The following TK2 variants were observed in gnomAD, a reference collection of about 807,000 sequenced individuals.
TK2 encodes thymidine kinase 2.
TK2 carries 35 observed loss-of-function variants against 41.9 expected under a neutral mutation model. The ratio of observed to expected loss-of-function variants is 0.84; its 90% CI spans 0.64 to 1.11. The LOEUF (loss-of-function observed/expected upper bound fraction) is 1.11. Among genes scored for constraint, TK2 ranks in the 50% least tolerant of loss-of-function variants. The probability of loss-of-function intolerance (pLI) is 0.00; values close to 1 mark genes in which losing one functional copy is unlikely to be tolerated. For missense variants in TK2, 320 were observed against 351.1 expected, an observed-to-expected ratio of 0.91 and a Z score of 0.71; for synonymous variants, 128 against 129.1, an observed-to-expected ratio of 0.99 and a Z score of 0.06.
At chr16:66,535,858 T>C (rs1260353829) in intron 4 of TK2, among the ~76,000 whole-genome samples, 1 of 152,174 alleles carries the variant, frequency 6.6e-6, no homozygotes, top group Non-Finnish European at 1.5e-5. Context: ...CTGCTCCTAG[T>C]AGAACTCAGA....
rs750719016 is a variant in TK2 at position 66,537,010 on chromosome 16, G to A, written c.239C>T (p.Thr80Met). Residue 80 changes from threonine to methionine, a missense_variant, in exon 4 of 10, where the codon ACG (threonine) becomes ATG (methionine). Transcript: ENST00000544898. ...ATTTCTCCACTTGGACACAGGCTCC[G>A]TTAACACCTGGAAGGAAAGAAAACA... ...FSNATDVEVL[T>M]EPVSKWRNVR... 25 of 1,613,924 alleles carry A rather than the reference G, an allele frequency of 1.5e-5. No homozygotes were observed. The highest frequency in any genetic ancestry group is 1.9e-5 in the Non-Finnish European group (22 of 1,179,998).
intron 4 of TK2, among the ~76,000 whole-genome samples, chr16:66,531,688 G>A (rs1475704344): frequency 2.6e-5 from 4 of 152,152 alleles, no homozygotes; most frequent in African/African-American, 9.7e-5. Flanking sequence ...AGGAGCCTAT[G>A]GAAAGTCTCC....
At chr16:66,530,643 C>T (rs574929929) in intron 5 of TK2, among the ~76,000 whole-genome samples, 2 of 152,236 alleles carry the variant, frequency 1.3e-5, no homozygotes, top group African/African-American at 4.8e-5. Context: ...CTTGATAAAA[C>T]ACAGATTGCT....
At chr16:66,536,839 T>C in intron 4 of TK2, 125 bp downstream of exon 4, 1 of 1,172,278 alleles carries the variant, frequency 8.5e-7, no homozygotes, top group Non-Finnish European at 1.3e-6. Context: ...TGTCCCTCCC[T>C]GGTCTTCTCC....
intron 1 of TK2, chr16:66,549,522 C>T: frequency 4.8e-6 from 5 of 1,041,310 alleles, no homozygotes; most frequent in Non-Finnish European, 3.5e-6. Context: ...GGTCCCCACT[C>T]CCAGGGAGGG....
rs148280617 is a variant in TK2 at position 66,512,520 on chromosome 16, G to A, written c.700-454C>T. Among the ~76,000 whole-genome samples the A allele has an allele frequency of 5.8e-3, 888 of 152,218 alleles. 10 individuals are homozygous for A. Among genetic ancestry groups the A allele is most frequent in the Non-Finnish European group, 8.2e-3 (558 of 68,016 alleles). On this transcript the variant is annotated intron_variant, in intron 9 of 9. Transcript: ENST00000544898. ...CAGTAGGCCGGGTGCAGTGGCTCAC[G>A]CCTGTGATCCCAGAATTTTGGGAGG...
chr16:66,543,102 G>C (rs1297087390), intron 2 of TK2, among the ~76,000 whole-genome samples: 1 of 152,172 alleles, frequency 6.6e-6, no homozygotes, highest in Non-Finnish European at 1.5e-5. Flanking sequence ...TCAAACTCCC[G>C]ACCTCAGGTG....
chr16:66,549,860 C>A (rs1965733157), intron 1 of TK2, 78 bp downstream of exon 1: 13 of 1,286,946 alleles, frequency 1.0e-5, no homozygotes, highest in Non-Finnish European at 1.3e-5. Flanking sequence ...CGGGCTCGGG[C>A]GGGTTCCGGA....
rs545930661 is a variant in TK2, at chr16:66,537,043, T to G, written c.232-26A>C. Reference sequence around the variant, plus strand: ...CTGGAAGGAAAGAAAACATCAGAGCTACTGTTTCTCTGTGCTGAACCCTGT... The same window carrying G: ...CTGGAAGGAAAGAAAACATCAGAGCGACTGTTTCTCTGTGCTGAACCCTGT... On this transcript the variant is annotated intron_variant, in intron 3 of 9. Transcript: ENST00000544898. The G allele has an allele frequency of 3.7e-6, 6 of 1,613,688 alleles. No homozygotes were observed. In the African/African-American group the frequency reaches 8.0e-5, roughly 22 times the overall value.
intron 6 of TK2, among the ~76,000 whole-genome samples, chr16:66,523,903 C>T (rs530460686): frequency 2.6e-5 from 4 of 152,280 alleles, no homozygotes; most frequent in Admixed American, 2.0e-4. Flanking sequence ...TGTGGATGAC[C>T]GCTCCATCGA....
chr16:66,546,244 A>AAAAAT (rs1471343481), intron 2 of TK2, among the ~76,000 whole-genome samples: 1 of 152,206 alleles, frequency 6.6e-6, no homozygotes, highest in Non-Finnish European at 1.5e-5. Context: ...AATAAAAAAT[A>AAAAAT]AAAATAAAAT....
chr16:66,520,165 T>G (rs1220847875), intron 6 of TK2, among the ~76,000 whole-genome samples: 1 of 152,094 alleles, frequency 6.6e-6, no homozygotes, highest in Non-Finnish European at 1.5e-5. Flanking sequence ...CTGGAGAAGC[T>G]GCGTGGGAGG....
At chr16:66,530,555 G>T (rs1320290874) in intron 5 of TK2, among the ~76,000 whole-genome samples, 2 of 152,122 alleles carry the variant, frequency 1.3e-5, no homozygotes, top group African/African-American at 4.8e-5. Flanking sequence ...TGAACTAAGA[G>T]CCAGACCCCA....
chr16:66,513,070 G>A (rs1964499383), intron 9 of TK2, among the ~76,000 whole-genome samples: 1 of 152,138 alleles, frequency 6.6e-6, no homozygotes, highest in Admixed American at 6.5e-5. Flanking sequence ...GCATTTCTTG[G>A]GAGCATCTGG....
intron 5 of TK2, 74 bp from the exon 6 acceptor site, chr16:66,529,141 T>C: frequency 7.2e-7 from 1 of 1,382,546 alleles, no homozygotes; most frequent in Non-Finnish European, 1.0e-6. Context: ...GAAATGTCTG[T>C]TACTCCCCCT....
Position 66,517,192 on chromosome 16 carries a change from T to G in TK2, c.562A>C (p.Thr188Pro). 6.2e-7 allele frequency: 1 copy of G among 1,614,156 alleles called. No homozygotes were observed. Among genetic ancestry groups the G allele is most frequent in the African/African-American group, 1.3e-5 (1 of 75,042 alleles). Reference protein sequence around the residue: ...LIVYLRTNPETCYQRLKKRCR... With the variant: ...LIVYLRTNPEPCYQRLKKRCR... ...CTCTTCTTTAACCTCTGGTAACAAG[T>G]CTCAGGATTGGTCCGAAGGTAAACT... The change falls in exon 8 of 10, where the codon ACT (threonine) becomes CCT (proline). Residue 188 changes from threonine (T) to proline (P), a missense_variant. Physicochemically the swap from Thr to Pro is conservative, Grantham distance 38 (BLOSUM62 -1). Coordinates refer to ENST00000544898, the MANE Select transcript of TK2 (RefSeq NM_004614.5). This position sits in a 1 kb window ranked among gnomAD's most constrained non-coding sequence, Gnocchi z 4.3.
At chr16:66,519,545 G>A (rs767697836) in intron 6 of TK2, among the ~76,000 whole-genome samples, 6 of 152,166 alleles carry the variant, frequency 3.9e-5, no homozygotes, top group South Asian at 2.1e-4. Flanking sequence ...AAGGAAGAAC[G>A]AGCCAGGGTG....
chr16:66,541,977 A>T, intron 2 of TK2, 24 bp from the exon 3 acceptor site: 5 of 1,613,422 alleles, frequency 3.1e-6, no homozygotes, highest in Non-Finnish European at 4.2e-6. Context: ...AATGCATATT[A>T]GAGCCAGAAC....
At chr16:66,513,258 A>G (rs1218970805) in intron 9 of TK2, among the ~76,000 whole-genome samples, 1 of 152,228 alleles carries the variant, frequency 6.6e-6, no homozygotes, top group East Asian at 1.9e-4. Flanking sequence ...CAGAGACATT[A>G]GTGGGCAGGG....
Sources: allele counts gnomAD v4.1 joint callset (sites outside exome capture counted in the v4.1 genomes callset), GRCh38; gene constraint gnomAD v4.1.1; non-coding constraint Gnocchi (gnomAD v3.1); transcripts MANE v1.5; gene names NCBI Gene and HGNC (gene_info 2026-07-23, HGNC 2026-07-21).